The following EEPD1 variants were observed in gnomAD, a reference collection of about 807,000 sequenced individuals.
EEPD1 encodes endonuclease/exonuclease/phosphatase family domain containing 1.
EEPD1 carries 17 observed loss-of-function variants against 46.3 expected under a neutral mutation model. That is an observed-to-expected ratio of 0.37 (90% CI 0.25 to 0.55). EEPD1 has a LOEUF of 0.55. EEPD1 is among the 20% of genes least tolerant of loss of function. The pLI is 0.83. For missense variants in EEPD1, 673 were observed against 745.6 expected (o/e 0.90, Z 1.13); for synonymous variants, 313 against 315.6 (o/e 0.99, Z 0.09).
At chr7:36,253,941 T>G (rs1200116461) in intron 3 of EEPD1, among the ~76,000 whole-genome samples, 1 of 152,226 alleles carries the variant, frequency 6.6e-6, no homozygotes. Context: ...ATTATTGCTG[T>G]AGTTGAATTT....
intron 3 of EEPD1, among the ~76,000 whole-genome samples, chr7:36,252,031 G>A (rs1786746149): frequency 6.6e-6 from 1 of 152,186 alleles, no homozygotes; most frequent in South Asian, 2.1e-4. Context: ...GAGCTGCTTG[G>A]GGAACCTGCA....
intron 2 of EEPD1, among the ~76,000 whole-genome samples, chr7:36,208,392 GA>G (rs1785862857): frequency 6.6e-6 from 1 of 152,254 alleles, no homozygotes; most frequent in African/African-American, 2.4e-5. Context: ...TTAACATTTA[GA>G]AGTGCAGAAT....
At chr7:36,224,828 C>T (rs1307362778) in intron 2 of EEPD1, among the ~76,000 whole-genome samples, 12 of 151,228 alleles carry the variant, frequency 7.9e-5, no homozygotes, top group Admixed American at 7.9e-4. Flanking sequence ...AATGTTACCT[C>T]ACATGGAAAA....
At chr7:36,220,555 T>C (rs1786126095) in intron 2 of EEPD1, among the ~76,000 whole-genome samples, 1 of 152,194 alleles carries the variant, frequency 6.6e-6, no homozygotes, top group African/African-American at 2.4e-5. Flanking sequence ...GAGGTACCTG[T>C]AGAAGCCCTG....
chr7:36,213,808 C>T (rs760280443), intron 2 of EEPD1, among the ~76,000 whole-genome samples: 9 of 152,008 alleles, frequency 5.9e-5, no homozygotes, highest in South Asian at 2.1e-4. Context: ...GGGCGTGTAC[C>T]CCCCCGGATT....
intron 3 of EEPD1, among the ~76,000 whole-genome samples, chr7:36,259,011 A>G (rs147807023): frequency 0.025 from 3,835 of 152,044 alleles, 168 homozygotes; most frequent in African/African-American, 0.087. Flanking sequence ...GTGGGTTGTG[A>G]AGACTGTGGG....
intron 6 of EEPD1, among the ~76,000 whole-genome samples, chr7:36,294,555 TAGTG>T (rs1216118125): frequency 6.6e-6 from 1 of 152,134 alleles, no homozygotes. Flanking sequence ...AAGAAGAACT[TAGTG>T]GGTATTCGTT....
rs1466919394 is a variant in EEPD1 at position 36,301,275 on chromosome 7, CA to C, written c.*2070del. On this transcript the variant is annotated 3_prime_UTR_variant, in exon 8 of 8. Transcript: ENST00000242108. ...AGCCTGTTCTTACTCCAGCTCAACC[CA>C]TTGGGTGTTGGCTGTTTTTGGTTTT... 1.3e-5 allele frequency: 2 copies of C among 152,218 alleles called. No homozygotes were observed. Among genetic ancestry groups the C allele is most frequent in the Admixed American group, 1.3e-4 (2 of 15,282 alleles). 9.4% of individuals were successfully genotyped at this position (152,218 alleles called of 1,614,324 possible). A position where few individuals can be genotyped will look rare whatever the true frequency, so the allele number is the denominator to read the frequency against.
At chr7:36,155,287 T>C in intron 2 of EEPD1, 85 bp downstream of exon 2, 1 of 1,431,400 alleles carries the variant, frequency 7.0e-7, no homozygotes, top group Non-Finnish European at 9.2e-7. Flanking sequence ...ATGGATTCTT[T>C]TGCGGGTAGG....
chr7:36,198,768 C>T (rs992112277), intron 2 of EEPD1, among the ~76,000 whole-genome samples: 4 of 152,154 alleles, frequency 2.6e-5, no homozygotes, highest in Non-Finnish European at 4.4e-5. Context: ...GGCCTTGTCT[C>T]CTTCCCAGGA....
chr7:36,215,765 G>A (rs1414583969), intron 2 of EEPD1, among the ~76,000 whole-genome samples: 1 of 152,252 alleles, frequency 6.6e-6, no homozygotes, highest in African/African-American at 2.4e-5. Flanking sequence ...GGTGGGAGGT[G>A]AGAGCAGGCA....
At chr7:36,219,595 GA>G (rs1176975144) in intron 2 of EEPD1, among the ~76,000 whole-genome samples, 3 of 147,034 alleles carry the variant, frequency 2.0e-5, no homozygotes, top group African/African-American at 7.7e-5. Flanking sequence ...AAAAGAAGAA[GA>G]AGGAGGAAGA....
intron 2 of EEPD1, among the ~76,000 whole-genome samples, chr7:36,172,617 GTTTTTTTTTTT>G (rs70977113): frequency 1.0e-5 from 1 of 100,124 alleles, no homozygotes; most frequent in Non-Finnish European, 1.9e-5. Flanking sequence ...AATATTATGA[GTTTTTTTTTTT>G]TTTTTTTTTT....
chr7:36,210,548 T>C (rs1483205719), intron 2 of EEPD1, among the ~76,000 whole-genome samples: 1 of 152,148 alleles, frequency 6.6e-6, no homozygotes, highest in East Asian at 1.9e-4. Context: ...TCCTGGCTGC[T>C]TCTGTCATCC....
At chr7:36,285,591 G>C (rs1043607327) in intron 5 of EEPD1, among the ~76,000 whole-genome samples, 1 of 152,186 alleles carries the variant, frequency 6.6e-6, no homozygotes, top group African/African-American at 2.4e-5. Context: ...AGCAGGTCAT[G>C]AAGTTGGCAG....
In EEPD1 at chr7:36,154,375, C is replaced by T; in HGVS notation, c.51C>T (p.Asp17=). The change falls in exon 2 of 8, where the codon GAC becomes GAT. Residue 17 remains aspartate (D), a synonymous_variant. Coordinates refer to ENST00000242108, the MANE Select transcript of EEPD1 (RefSeq NM_030636.3). This position sits in a 1 kb window ranked among gnomAD's most constrained non-coding sequence, Gnocchi z 4.2. ...CHRSIPRDPS[D]LSHSRKFSAA... Reference sequence around the variant, plus strand: ...GCTCCATCCCCAGGGACCCCTCGGACCTGTCCCATAGCCGCAAGTTCAGCG... The same window carrying T: ...GCTCCATCCCCAGGGACCCCTCGGATCTGTCCCATAGCCGCAAGTTCAGCG... 1.2e-6 allele frequency: 2 copies of T among 1,613,754 alleles called. No individual in the cohort carries two copies. Among genetic ancestry groups the T allele is most frequent in the Non-Finnish European group, 1.7e-6 (2 of 1,180,028 alleles).
At chr7:36,286,896 C>T (rs1194173841) in intron 5 of EEPD1, among the ~76,000 whole-genome samples, 4 of 152,104 alleles carry the variant, frequency 2.6e-5, no homozygotes, top group African/African-American at 9.7e-5. Context: ...CTCAAATTGC[C>T]TCAAGTGATC....
chr7:36,156,382 C>G (rs1882057), intron 2 of EEPD1, among the ~76,000 whole-genome samples: 49,647 of 152,062 alleles, frequency 0.33, 9,079 homozygotes, highest in African/African-American at 0.51. Context: ...TGAATGCTCT[C>G]CCTGCACTGC....
chr7:36,296,421 C>T (rs1248974251), intron 6 of EEPD1, among the ~76,000 whole-genome samples: 3 of 152,162 alleles, frequency 2.0e-5, no homozygotes, highest in Non-Finnish European at 2.9e-5. Flanking sequence ...CATAGGTTCC[C>T]TCTCATCCAT....
Sources: gnomAD v4.1 joint callset for allele counts (sites outside exome capture counted in the v4.1 genomes callset) on GRCh38, gnomAD v4.1.1 for gene constraint, Gnocchi (gnomAD v3.1) non-coding constraint, MANE v1.5 for transcripts, NCBI Gene and HGNC (gene_info 2026-07-23, HGNC 2026-07-21) for gene names.